KIAA1549: variants seen among roughly 807,000 people sequenced by gnomAD.
KIAA1549 encodes the protein UPF0606 protein KIAA1549.
KIAA1549 carries 70 observed loss-of-function variants against 156.4 expected under a neutral mutation model. The ratio of observed to expected loss-of-function variants is 0.45; its 90% CI spans 0.37 to 0.55. The LOEUF (loss-of-function observed/expected upper bound fraction) is 0.55. Among genes scored for constraint, KIAA1549 ranks in the 20% least tolerant of loss-of-function variants. The pLI is 0.00. For missense variants in KIAA1549, 2,428 were observed against 2,540.9 expected (o/e 0.96, Z 0.96); for synonymous variants, 1,103 against 1,066.4 (o/e 1.03, Z -0.67).
intron 9 of KIAA1549, among the ~76,000 whole-genome samples, chr7:138,898,344 G>T (rs1811749012): frequency 6.6e-6 from 1 of 151,458 alleles, no homozygotes. Context: ...CTGTGAGGTG[G>T]AAAGGAAACT....
Position 138,831,590 on chromosome 7 carries a change from G to C in KIAA1549, c.*6316C>G, listed in dbSNP as rs1019493889. On this transcript the variant is annotated 3_prime_UTR_variant, in exon 20 of 20. Transcript: ENST00000422774. ...TTATTAAATCGTATACCCATACTGA[G>C]ATTTCAGTGCCTGTTTGAGGACCAG... 6 of 228,178 alleles carry C rather than the reference G, an allele frequency of 2.6e-5. No homozygotes were observed. Among genetic ancestry groups the C allele is most frequent in the African/African-American group, 1.3e-4 (6 of 45,082 alleles). The allele number at this position is 228,178 out of a possible 1,614,324, so 14.1% of individuals were successfully genotyped here. A position where few individuals can be genotyped will look rare whatever the true frequency, so the allele number is the denominator to read the frequency against.
At chr7:138,908,005 C>T (rs1271517507) in intron 5 of KIAA1549, among the ~76,000 whole-genome samples, 2 of 152,124 alleles carry the variant, frequency 1.3e-5, no homozygotes, top group African/African-American at 4.8e-5. Context: ...GAGAAGCCCA[C>T]GCTGACATAT....
intron 8 of KIAA1549, 78 bp from the exon 9 acceptor site, chr7:138,899,210 C>G: frequency 7.7e-7 from 1 of 1,295,638 alleles, no homozygotes; most frequent in Non-Finnish European, 1.1e-6. Flanking sequence ...TGAATCCTGG[C>G]TGTGTCACTC....
Position 138,905,037 on chromosome 7 carries a change from A to G in KIAA1549, c.3505T>C (p.Ser1169Pro). Residue 1169 changes from serine to proline, a missense_variant, in exon 7 of 20, where the codon TCT becomes CCT. By Grantham distance (74) the Ser-to-Pro change is moderately conservative. This residue lies in a region of KIAA1549 where 762 missense variants were observed against 901.6 expected (regional missense o/e 0.85). Coordinates refer to ENST00000422774, the MANE Select transcript of KIAA1549 (RefSeq NM_001164665.2). ...TTAAACATACCTGTTCTGACCCAAGAGGACTTCAGCAACTGAGATAAGTTG... is the reference window on the plus strand; with the variant it reads ...TTAAACATACCTGTTCTGACCCAAGGGGACTTCAGCAACTGAGATAAGTTG... Reference protein sequence around the residue: ...QLNLSQLLKSSWVRTVLLGVM... With the variant: ...QLNLSQLLKSPWVRTVLLGVM... 1 of 1,574,958 alleles carries G rather than the reference A, an allele frequency of 6.3e-7. No individual in the cohort carries two copies. Among genetic ancestry groups the G allele is most frequent in the Non-Finnish European group, 8.6e-7 (1 of 1,158,398 alleles).
chr7:138,940,553 T>G (rs1294781143), intron 1 of KIAA1549, among the ~76,000 whole-genome samples: 1 of 151,708 alleles, frequency 6.6e-6, no homozygotes, highest in Non-Finnish European at 1.5e-5. Context: ...CTGGGTCAAA[T>G]GGTATTTCTA....
chr7:138,864,937 ACT>A (rs1307198946), intron 15 of KIAA1549, among the ~76,000 whole-genome samples: 2 of 152,014 alleles, frequency 1.3e-5, no homozygotes, highest in Non-Finnish European at 2.9e-5. Context: ...TTGCAATAAA[ACT>A]CTATTTAGGC....
intron 16 of KIAA1549, among the ~76,000 whole-genome samples, chr7:138,852,683 C>G (rs538374974): frequency 6.6e-6 from 1 of 152,336 alleles, no homozygotes; most frequent in Non-Finnish European, 1.5e-5. Flanking sequence ...ACCACATGAG[C>G]CACAAAGGTC....
intron 1 of KIAA1549, among the ~76,000 whole-genome samples, chr7:138,964,578 T>C (rs1813956881): frequency 6.6e-6 from 1 of 152,178 alleles, no homozygotes; most frequent in African/African-American, 2.4e-5. Flanking sequence ...GCTCAGCCCC[T>C]GAGACTGCTG....
chr7:138,960,981 C>T (rs1433456962), intron 1 of KIAA1549, among the ~76,000 whole-genome samples: 1 of 152,204 alleles, frequency 6.6e-6, no homozygotes, highest in Non-Finnish European at 1.5e-5. Flanking sequence ...ATGTGTCTTT[C>T]CCCCATGCCC....
chr7:138,897,748 G>A (rs956701854), intron 9 of KIAA1549, among the ~76,000 whole-genome samples: 10 of 151,782 alleles, frequency 6.6e-5, no homozygotes, highest in African/African-American at 1.7e-4. Context: ...AGAAAAAATC[G>A]CTGGGTGTAG....
At position 138,981,141 on chromosome 7, in the gene KIAA1549, C is replaced by A. The variant is rs1488120521; in HGVS notation, c.129G>T (p.Gly43=). 3.3e-6 allele frequency: 4 copies of A among 1,211,928 alleles called. No individual in the cohort carries two copies. Among genetic ancestry groups the A allele is most frequent in the East Asian group, 3.3e-5 (1 of 30,570 alleles). 75.1% of individuals were successfully genotyped at this position (1,211,928 alleles called of 1,614,324 possible). A position where few individuals can be genotyped will look rare whatever the true frequency, so the allele number is the denominator to read the frequency against. ...SARCARRRRP[G]LLLPGLWLLL... ...GCAGCCAGAGGCCAGGAAGCAGCAG[C>A]CCCGGGCGGCGGCGGCGGGCGCAGC... Residue 43 remains glycine (G), a synonymous_variant, in exon 1 of 20, where the codon GGG becomes GGT. Coordinates refer to ENST00000422774, the MANE Select transcript of KIAA1549 (RefSeq NM_001164665.2). This position sits in a 1 kb window ranked among gnomAD's most constrained non-coding sequence, Gnocchi z 4.5.
chr7:138,910,705 T>TTTC (rs1430830835), intron 4 of KIAA1549, among the ~76,000 whole-genome samples: 1 of 142,072 alleles, frequency 7.0e-6, no homozygotes, highest in Non-Finnish European at 1.5e-5. Flanking sequence ...GTCTAATTTT[T>TTTC]TTTTTTTTTT....
intron 17 of KIAA1549, among the ~76,000 whole-genome samples, chr7:138,848,031 A>G (rs1214251831): frequency 6.6e-6 from 1 of 152,204 alleles, no homozygotes. Context: ...CTGATTTTAC[A>G]TCGTTATTTT....
chr7:138,968,664 G>A (rs1027299019), intron 1 of KIAA1549, among the ~76,000 whole-genome samples: 3 of 151,714 alleles, frequency 2.0e-5, no homozygotes, highest in Admixed American at 1.3e-4. Context: ...TGGCTAACAC[G>A]GTGAAACCCC....
In KIAA1549 at chr7:138,918,441, G is replaced by A. The variant is rs1411609296; in HGVS notation, c.1185C>T (p.Ser395=). The change falls in exon 2 of 20, where the codon AGC becomes AGT. Residue 395 remains serine (S), a synonymous_variant. Transcript: ENST00000422774. The surrounding 1 kb of genome is among the most constrained non-coding windows in gnomAD (Gnocchi z 4.2). ...SDSSKTSELH[S]NSALPGPVDN... ...CCACAGGACCGGGGAGGGCTGAATT[G>A]CTATGCAATTCGGATGTTTTGCTGG... 6.2e-7 allele frequency: 1 copy of A among 1,614,008 alleles called. No individual in the cohort carries two copies. The highest frequency in any genetic ancestry group is 8.5e-7 in the Non-Finnish European group (1 of 1,179,898).
At chr7:138,876,357 T>A (rs940765803) in intron 12 of KIAA1549, 13 of 152,374 alleles carry the variant, frequency 8.5e-5, no homozygotes, top group African/African-American at 2.9e-4. Flanking sequence ...TTTTAATTTT[T>A]TTAAAATATG....
intron 1 of KIAA1549, among the ~76,000 whole-genome samples, chr7:138,932,951 C>G (rs1328323763): frequency 6.6e-6 from 1 of 152,148 alleles, no homozygotes; most frequent in Middle Eastern, 3.4e-3. Flanking sequence ...AGAGGAGAAG[C>G]CAGGGAGACA....
At chr7:138,939,898 T>A (rs1016853108) in intron 1 of KIAA1549, among the ~76,000 whole-genome samples, 1 of 152,186 alleles carries the variant, frequency 6.6e-6, no homozygotes, top group African/African-American at 2.4e-5. Context: ...TATAATCTCA[T>A]CACTCTGGCA....
chr7:138,920,182 A>ATATGGATGGAT (rs1812526129), intron 1 of KIAA1549, among the ~76,000 whole-genome samples: 2 of 146,816 alleles, frequency 1.4e-5, no homozygotes, highest in Admixed American at 6.7e-5. Context: ...CCAGCTCTCT[A>ATATGGATGGAT]CATGGATGGA....
Sources: allele counts gnomAD v4.1 joint callset (sites outside exome capture counted in the v4.1 genomes callset), GRCh38; gene constraint gnomAD v4.1.1; regional missense constraint gnomAD v4.1.1; non-coding constraint Gnocchi (gnomAD v3.1); transcripts MANE v1.5; gene names NCBI Gene and HGNC (gene_info 2026-07-23, HGNC 2026-07-21).